Variants in GRAMD2A observed in about 807,000 individuals in gnomAD.
The protein encoded by GRAMD2A is GRAM domain-containing protein 2A.
GRAMD2A carries 37 observed loss-of-function variants against 51.1 expected under a neutral mutation model. The observed-to-expected ratio is 0.72, with a 90% CI of 0.56 to 0.95. The LOEUF (loss-of-function observed/expected upper bound fraction) is 0.95. Ranked by LOEUF, GRAMD2A falls within the 40% of genes least tolerant of loss-of-function variation. The pLI is 0.00. For synonymous variants in GRAMD2A, 136 were observed against 157.1 expected (o/e 0.87, Z 1.01); for missense variants, 414 against 426.9 (o/e 0.97, Z 0.27).
chr15:72,186,103 T>C (rs987075256), intron 1 of GRAMD2A, among the ~76,000 whole-genome samples: 2 of 152,150 alleles, frequency 1.3e-5, no homozygotes, highest in African/African-American at 2.4e-5. Flanking sequence ...AATAACCTAA[T>C]AGAAAAGTGA....
Position 72,168,997 on chromosome 15 carries a change from C to G in GRAMD2A, c.135-1G>C, listed in dbSNP as rs967946168. 1 of 1,613,896 alleles carries G rather than the reference C, an allele frequency of 6.2e-7. No individual in the cohort carries two copies. The highest frequency in any genetic ancestry group is 1.3e-5 in the African/African-American group (1 of 74,940). ...CTTCAAGCCTTCTGGCCAGTGCAGA[C>G]TGCAAAGGAGACATTCCATTTCGGG... On this transcript the variant is annotated splice_acceptor_variant, in intron 2 of 11. Transcript: ENST00000309731. LOFTEE classifies it high-confidence loss of function.
chr15:72,195,919 T>G (rs1435996848), intron 1 of GRAMD2A, among the ~76,000 whole-genome samples: 1 of 151,502 alleles, frequency 6.6e-6, no homozygotes, highest in Admixed American at 6.6e-5. Flanking sequence ...AAACTCCGTC[T>G]CAAAAAAAAA....
intron 1 of GRAMD2A, among the ~76,000 whole-genome samples, chr15:72,180,770 C>G (rs1057504588): frequency 6.6e-6 from 1 of 152,186 alleles, no homozygotes; most frequent in Non-Finnish European, 1.5e-5. Flanking sequence ...TTTGAGTAAG[C>G]CACTCTTCCT....
intron 1 of GRAMD2A, 88 bp downstream of exon 1, chr15:72,197,643 C>G: frequency 9.2e-7 from 1 of 1,081,970 alleles, no homozygotes; most frequent in Non-Finnish European, 1.2e-6. Flanking sequence ...TGCCGCGGCC[C>G]CAGGAGCCGT....
intron 1 of GRAMD2A, among the ~76,000 whole-genome samples, chr15:72,171,813 A>G (rs554805639): frequency 1.3e-5 from 2 of 149,740 alleles, no homozygotes; most frequent in South Asian, 4.2e-4. Context: ...CTTCATTTGT[A>G]TAAATTTTTT....
chr15:72,168,996 A>T lies in GRAMD2A; in HGVS notation c.135T>A (p.Ser45Arg). 6.2e-7 allele frequency: 1 copy of T among 1,614,012 alleles called. No homozygotes were observed. The highest frequency in any genetic ancestry group is 8.5e-7 in the Non-Finnish European group (1 of 1,179,856). ...CCTTCAAGCCTTCTGGCCAGTGCAG[A>T]CTGCAAAGGAGACATTCCATTTCGG... ...PDRVEEPPDYSLHWPEGLKGE... is the reference protein window; with the variant it reads ...PDRVEEPPDYRLHWPEGLKGE... Residue 45 changes from serine to arginine, a missense_variant and splice_region_variant, in exon 3 of 12, where the codon AGT becomes AGA. Transcript: ENST00000309731.
rs146295255 is a variant in GRAMD2A, at chr15:72,184,072, C to A, written c.41+13659G>T. Among the ~76,000 whole-genome samples the A allele has an allele frequency of 4.0e-3, 610 of 152,348 alleles. 5 individuals are homozygous for A. Among genetic ancestry groups the A allele is most frequent in the African/African-American group, 0.014 (573 of 41,590 alleles). On this transcript the variant is annotated intron_variant, in intron 1 of 11. Coordinates refer to ENST00000309731, the MANE Select transcript of GRAMD2A (RefSeq NM_001012642.3). ...GAAAAGACCACGGAGATACTGGGAA[C>A]GGATAGATAGGATTGCATCTTTCTC...
At chr15:72,188,734 G>A (rs1233451374) in intron 1 of GRAMD2A, among the ~76,000 whole-genome samples, 1 of 151,866 alleles carries the variant, frequency 6.6e-6, no homozygotes, top group African/African-American at 2.4e-5. Flanking sequence ...CCAAGGTGGA[G>A]TGCAGTGGCA....
At chr15:72,187,953 A>C (rs2081744866) in intron 1 of GRAMD2A, among the ~76,000 whole-genome samples, 1 of 152,212 alleles carries the variant, frequency 6.6e-6, no homozygotes, top group Middle Eastern at 3.2e-3. Context: ...AGGTACATAA[A>C]TTTTATGTGT....
At chr15:72,169,649 T>G in intron 2 of GRAMD2A, 198 bp downstream of exon 2, 1 of 696,424 alleles carries the variant, frequency 1.4e-6, no homozygotes. Flanking sequence ...CCGAGAAGCA[T>G]GGACTCTGCT....
At chr15:72,169,085 G>A (rs1442358090) in intron 2 of GRAMD2A, 89 bp from the exon 3 acceptor site, 10 of 1,168,446 alleles carry the variant, frequency 8.6e-6, no homozygotes, top group Non-Finnish European at 1.3e-5. Context: ...CCTTGAGCCA[G>A]AAGCTTGAGG....
intron 1 of GRAMD2A, among the ~76,000 whole-genome samples, chr15:72,183,836 A>G (rs2081715892): frequency 6.6e-6 from 1 of 152,178 alleles, no homozygotes; most frequent in South Asian, 2.1e-4. Context: ...AACACTGCAG[A>G]TGAGTTACTT....
chr15:72,177,005 A>C lies in GRAMD2A; in HGVS notation c.42-7066T>G, dbSNP rs28660581. 5.6e-3 allele frequency among the ~76,000 whole-genome samples: 849 copies of C among 151,820 alleles called. 10 individuals carry two copies. The highest frequency in any genetic ancestry group is 0.019 in the African/African-American group (804 of 41,384). Reference sequence around the variant, plus strand: ...TAAGCCTCCCAAAGTAGGTGAAACTACAGGTGTATGCCACCATGCCCAGCT... The same window carrying C: ...TAAGCCTCCCAAAGTAGGTGAAACTCCAGGTGTATGCCACCATGCCCAGCT... On this transcript the variant is annotated intron_variant, in intron 1 of 11. Coordinates refer to ENST00000309731, the MANE Select transcript of GRAMD2A (RefSeq NM_001012642.3).
In GRAMD2A at chr15:72,161,816, C is replaced by T. The variant is rs1267649887; in HGVS notation, c.*193G>A. 3.3e-6 allele frequency: 2 copies of T among 610,000 alleles called. No individual in the cohort carries two copies. The highest frequency in any genetic ancestry group is 2.1e-5 in the South Asian group (1 of 46,560). 37.8% of individuals were successfully genotyped at this position (610,000 alleles called of 1,614,324 possible). ...GTCCAAAAATTGTAGAAGCCAGTTACTTTGTAAACACGTACTTCAGATCTC... is the reference window on the plus strand; with the variant it reads ...GTCCAAAAATTGTAGAAGCCAGTTATTTTGTAAACACGTACTTCAGATCTC... On this transcript the variant is annotated 3_prime_UTR_variant, in exon 12 of 12. Transcript: ENST00000309731.
intron 1 of GRAMD2A, among the ~76,000 whole-genome samples, chr15:72,183,311 T>C (rs1163638205): frequency 6.8e-6 from 1 of 147,924 alleles, no homozygotes; most frequent in Non-Finnish European, 1.5e-5. Flanking sequence ...GGTCAGGAGA[T>C]GGAGACCAGC....
chr15:72,178,210 T>A (rs928241857), intron 1 of GRAMD2A, among the ~76,000 whole-genome samples: 4 of 152,018 alleles, frequency 2.6e-5, no homozygotes, highest in African/African-American at 9.7e-5. Flanking sequence ...CCCTCTTGAG[T>A]TTCAGGAACT....
In GRAMD2A at chr15:72,193,146, GATAA is replaced by G. The variant is rs762266809; in HGVS notation, c.41+4581_41+4584del. Among the ~76,000 whole-genome samples, 97 of 150,918 alleles carry G rather than the reference GATAA, an allele frequency of 6.4e-4. 1 individual carries two copies. Among genetic ancestry groups the G allele is most frequent in the South Asian group, 1.7e-3 (8 of 4,758 alleles). ...CGTCTCAAAAATAAATAAATAAATA[GATAA>G]ATAAATAAATAAATAAAGATTGGTT... is the stretch of plus-strand genomic sequence containing the variant. On this transcript the variant is annotated intron_variant, in intron 1 of 11. Transcript: ENST00000309731.
intron 3 of GRAMD2A, 61 bp downstream of exon 3, chr15:72,168,878 A>C: frequency 6.6e-7 from 1 of 1,511,832 alleles, no homozygotes; most frequent in Non-Finnish European, 9.2e-7. Context: ...AAAGTCACTG[A>C]ATTCTGGCAG....
At position 72,163,740 on chromosome 15, in the gene GRAMD2A, C is replaced by A. The variant is rs764788550; in HGVS notation, c.618G>T (p.Glu206Asp). Residue 206 changes from glutamate to aspartate, a missense_variant, in exon 9 of 12, where the codon GAG becomes GAT. Physicochemically the swap from Glu to Asp is conservative, Grantham distance 45 (BLOSUM62 2). Transcript: ENST00000309731. Reference sequence around the variant, plus strand: ...AAGGGCATACCTTTCTCCACTTCATCTCAGGGATGAGGACTTCCTGCAGTA... The same window carrying A: ...AAGGGCATACCTTTCTCCACTTCATATCAGGGATGAGGACTTCCTGCAGTA... ...EPESLEVLIP[E>D]MKWRKVCPSS... The A allele has an allele frequency of 1.5e-5, 24 of 1,609,332 alleles. No homozygotes were observed. The highest frequency in any genetic ancestry group is 2.0e-5 in the Non-Finnish European group (24 of 1,178,814).
Sources: gnomAD v4.1 joint callset for allele counts (sites outside exome capture counted in the v4.1 genomes callset) on GRCh38, gnomAD v4.1.1 for gene constraint, MANE v1.5 for transcripts, NCBI Gene and HGNC (gene_info 2026-07-23, HGNC 2026-07-21) for gene names.